The following BIN2 variants were observed in gnomAD, a reference collection of about 807,000 sequenced individuals.
BIN2 encodes the protein breast cancer associated protein BRAP1.
A neutral mutation model predicts 67.9 loss-of-function variants in BIN2; 43 were observed. The observed-to-expected ratio is 0.63, with a 90% CI of 0.50 to 0.82. The LOEUF (loss-of-function observed/expected upper bound fraction) is 0.82. BIN2 is among the 40% of genes least tolerant of loss of function. The pLI is 0.00. For missense variants in BIN2, 581 were observed against 671.6 expected (o/e 0.87, Z 1.49); for synonymous variants, 244 against 246.8 (o/e 0.99, Z 0.11).
chr12:51,320,062 T>C (rs1046998273), intron 1 of BIN2, among the ~76,000 whole-genome samples: 3 of 152,118 alleles, frequency 2.0e-5, no homozygotes, highest in African/African-American at 7.2e-5. Flanking sequence ...CTCAGCTCAC[T>C]GCAACCTCCA....
At position 51,317,643 on chromosome 12, in the gene BIN2, C is replaced by A. The variant is rs567203087; in HGVS notation, c.82-3740G>T. The stretch of plus-strand genomic sequence containing the variant: ...TTGCACTCCAGCCTGGGCAACAGAG[C>A]GAAACTCTGTCTCAAAAAACAAAAC... On this transcript the variant is annotated intron_variant, in intron 1 of 12. Transcript: ENST00000615107. Among the ~76,000 whole-genome samples, 9 of 149,930 alleles carry A rather than the reference C, an allele frequency of 6.0e-5. No individual in the cohort carries two copies. The East Asian group carries it at 9.9e-4, about 16-fold the overall frequency.
Position 51,291,791 on chromosome 12 carries a change from C to T in BIN2, c.1315G>A (p.Ala439Thr). 6.2e-7 allele frequency: 1 copy of T among 1,613,788 alleles called. No homozygotes were observed. Among genetic ancestry groups the T allele is most frequent in the South Asian group, 1.1e-5 (1 of 91,074 alleles). ...CTGGTGGGTGAACCCCCTCCAGAGG[C>T]TGTAGGGCTGGAAGGTATGTTCCCT... ...SSGNIPSSPT[A>T]SGGGSPTSPR... is the part of the protein sequence containing the mutation. The change falls in exon 10 of 13, where the codon GCC becomes ACC. Residue 439 changes from alanine (A) to threonine (T), a missense_variant. Ala to Thr is a moderately conservative substitution (Grantham distance 58). Coordinates refer to ENST00000615107, the MANE Select transcript of BIN2 (RefSeq NM_016293.4).
chr12:51,299,463 G>A (rs1945659961), intron 6 of BIN2, 144 bp downstream of exon 6: 10 of 972,718 alleles, frequency 1.0e-5, no homozygotes, highest in South Asian at 9.8e-5. Context: ...CAGCATCAGT[G>A]TCAGAAGAAA....
intron 9 of BIN2, among the ~76,000 whole-genome samples, chr12:51,292,832 T>C (rs1945426302): frequency 6.6e-6 from 1 of 152,276 alleles, no homozygotes; most frequent in Admixed American, 6.5e-5. Context: ...TGTAAACAAA[T>C]GTCCTTTCCA....
chr12:51,307,749 A>G (rs1021094998), intron 2 of BIN2, among the ~76,000 whole-genome samples: 3 of 152,134 alleles, frequency 2.0e-5, no homozygotes, highest in Admixed American at 6.6e-5. Context: ...TTGTACAAAT[A>G]AAGTTCCTAA....
At chr12:51,293,374 A>G (rs1945443676) in intron 9 of BIN2, among the ~76,000 whole-genome samples, 4 of 151,998 alleles carry the variant, frequency 2.6e-5, no homozygotes, top group Admixed American at 2.0e-4. Flanking sequence ...CAGTGGCGCG[A>G]TCTCGGCTCA....
chr12:51,299,803 C>T (rs1423734708), intron 5 of BIN2, 89 bp from the exon 6 acceptor site: 3 of 1,107,694 alleles, frequency 2.7e-6, no homozygotes, highest in East Asian at 4.8e-5. Context: ...GAGCAAGATT[C>T]TTGCATCCTA....
chr12:51,314,021 T>C (rs574918891), intron 1 of BIN2, 118 bp from the exon 2 acceptor site: 11 of 17,822 alleles, frequency 6.2e-4, no homozygotes, highest in Admixed American at 5.1e-3. Context: ...GCTGTACTTA[T>C]TTATTTATTT....
rs1945380298 is a variant in BIN2 at position 51,291,609 on chromosome 12, G to C, written c.1497C>G (p.Pro499=). 6 of 1,606,808 alleles carry C rather than the reference G, an allele frequency of 3.7e-6. No individual in the cohort carries two copies. The highest frequency in any genetic ancestry group is 5.1e-6 in the Non-Finnish European group (6 of 1,177,786). ...CTCTTACCTGAGATGTCATTAAGGT[G>C]GGGGAAGTACAAAGTTCTTCAGGGT... The part of the protein sequence containing the change: ...NQNPEELCTS[P]TLMTSQVASE... Residue 499 remains proline, a synonymous_variant, in exon 10 of 13, where the codon CCC becomes CCG. Transcript: ENST00000615107.
intron 9 of BIN2, among the ~76,000 whole-genome samples, chr12:51,293,459 G>T (rs1169044361): frequency 6.6e-6 from 1 of 152,014 alleles, no homozygotes; most frequent in East Asian, 1.9e-4. Context: ...ACAGGCGCCC[G>T]CCACCATGCC....
At chr12:51,311,091 T>C (rs1945980153) in intron 2 of BIN2, among the ~76,000 whole-genome samples, 1 of 147,368 alleles carries the variant, frequency 6.8e-6, no homozygotes, top group Admixed American at 6.9e-5. Flanking sequence ...TTTCTTTATG[T>C]AGGGGCTTTT....
chr12:51,295,392 CAAAAAAAAAA>C (rs1178848004), intron 9 of BIN2, among the ~76,000 whole-genome samples: 1 of 91,774 alleles, frequency 1.1e-5, no homozygotes, highest in African/African-American at 4.2e-5. Context: ...ACTAAAAATA[CAAAAAAAAAA>C]AAAAAAAAAA....
chr12:51,318,111 T>G (rs1055398867), intron 1 of BIN2, among the ~76,000 whole-genome samples: 4 of 152,210 alleles, frequency 2.6e-5, no homozygotes, highest in African/African-American at 9.6e-5. Context: ...CACTAGCTGG[T>G]TCAGCATGGC....
intron 12 of BIN2, among the ~76,000 whole-genome samples, chr12:51,283,493 T>C (rs541864722): frequency 2.3e-4 from 35 of 152,002 alleles, no homozygotes; most frequent in Non-Finnish European, 4.3e-4. Context: ...TATTTACTTG[T>C]TTATAGACGG....
rs1184871685 is a variant in BIN2 at position 51,318,324 on chromosome 12, C to A, written c.82-4421G>T. ...TCGCCCAGGCTGGAGTGCAGTGATG[C>A]CATCTCAGCTCACTGCAACCTCTGC... On this transcript the variant is annotated intron_variant, in intron 1 of 12. Coordinates refer to ENST00000615107, the MANE Select transcript of BIN2 (RefSeq NM_016293.4). 3.3e-5 allele frequency among the ~76,000 whole-genome samples: 5 copies of A among 149,904 alleles called. No homozygotes were observed. The South Asian group carries it at 1.0e-3, about 31-fold the overall frequency.
chr12:51,323,392 G>A (rs1328946930), intron 1 of BIN2: 1 of 152,286 alleles, frequency 6.6e-6, no homozygotes, highest in African/African-American at 2.4e-5. Context: ...CACTAACCAA[G>A]GACACACTCT....
At chr12:51,318,720 G>T (rs1020922145) in intron 1 of BIN2, among the ~76,000 whole-genome samples, 1 of 152,074 alleles carries the variant, frequency 6.6e-6, no homozygotes, top group Non-Finnish European at 1.5e-5. Flanking sequence ...TTTGAGCCTC[G>T]GTTTACAGAA....
At chr12:51,293,833 C>T (rs1945460304) in intron 9 of BIN2, among the ~76,000 whole-genome samples, 1 of 152,100 alleles carries the variant, frequency 6.6e-6, no homozygotes, top group Non-Finnish European at 1.5e-5. Flanking sequence ...GACAATTTCA[C>T]ATGTAGTGAG....
intron 5 of BIN2, 134 bp from the exon 6 acceptor site, chr12:51,299,848 GT>G (rs60046549): frequency 4.6e-5 from 33 of 711,758 alleles, no homozygotes; most frequent in Middle Eastern, 2.7e-4. Context: ...TTTTGCTTTT[GT>G]TTTTTTTGAG....
Sources: allele counts gnomAD v4.1 joint callset (sites outside exome capture counted in the v4.1 genomes callset), GRCh38; gene constraint gnomAD v4.1.1; transcripts MANE v1.5; gene names NCBI Gene and HGNC (gene_info 2026-07-23, HGNC 2026-07-21).